The following ATXN1 variants were observed in gnomAD, a reference collection of about 807,000 sequenced individuals.
The protein encoded by ATXN1 is ataxin 1, also known as ataxin-1.
In ATXN1, 8 loss-of-function variants were observed where a neutral mutation model predicts 56.4. The observed-to-expected ratio is 0.14, with a 90% CI of 0.08 to 0.26. The LOEUF (loss-of-function observed/expected upper bound fraction) is 0.26. Among genes scored for constraint, ATXN1 ranks in the 10% least tolerant of loss-of-function variants. The pLI is 1.00. For synonymous variants in ATXN1, 514 were observed against 494.6 expected (o/e 1.04, Z -0.52); for missense variants, 987 against 1,106.5 (o/e 0.89, Z 1.53).
At chr6:16,444,604 T>TA (rs1378178817) in intron 6 of ATXN1, among the ~76,000 whole-genome samples, 2 of 152,146 alleles carry the variant, frequency 1.3e-5, no homozygotes, top group African/African-American at 2.4e-5. Flanking sequence ...AATTGGTAAA[T>TA]AGACAGAATC....
At chr6:16,559,342 G>T (rs1581844015) in intron 4 of ATXN1, among the ~76,000 whole-genome samples, 1 of 148,904 alleles carries the variant, frequency 6.7e-6, no homozygotes, top group African/African-American at 2.5e-5. Context: ...CTGAAGCATT[G>T]TTCATAGTAG....
intron 6 of ATXN1, among the ~76,000 whole-genome samples, chr6:16,457,769 C>A (rs141684515): frequency 6.6e-6 from 1 of 152,196 alleles, no homozygotes; most frequent in East Asian, 1.9e-4. Context: ...AGCCTCCCTA[C>A]AGCTCCCCTT....
chr6:16,716,105 TATG>T (rs1759635890), intron 2 of ATXN1, among the ~76,000 whole-genome samples: 1 of 152,184 alleles, frequency 6.6e-6, no homozygotes, highest in Non-Finnish European at 1.5e-5. Context: ...ATCACAGTCC[TATG>T]ATGATAAGTA....
Position 16,373,728 on chromosome 6 carries a change from C to CG in ATXN1, c.-160-45259_-160-45258insC, listed in dbSNP as rs1312176626. On this transcript the variant is annotated intron_variant, in intron 6 of 7. Transcript: ENST00000436367. ...CCTCTCATTTTCTCTTGCCTGCTGC[C>CG]ATGTAAGACATGCCTTTTGCCTTCC... 6.6e-5 allele frequency among the ~76,000 whole-genome samples: 10 copies of CG among 152,214 alleles called. 1 individual carries two copies. The highest frequency in any genetic ancestry group is 4.4e-5 in the Non-Finnish European group (3 of 68,042).
chr6:16,567,094 G>C (rs1213970348), intron 4 of ATXN1, among the ~76,000 whole-genome samples: 1 of 152,136 alleles, frequency 6.6e-6, no homozygotes, highest in Non-Finnish European at 1.5e-5. Context: ...TTAAATCACA[G>C]CTTTGCAGTT....
At chr6:16,700,962 T>C (rs1162113181) in intron 2 of ATXN1, among the ~76,000 whole-genome samples, 1 of 150,316 alleles carries the variant, frequency 6.7e-6, no homozygotes, top group African/African-American at 2.5e-5. Flanking sequence ...GAATGAACCG[T>C]GAACCAGCAA....
intron 3 of ATXN1, among the ~76,000 whole-genome samples, chr6:16,656,088 C>CAA (rs35745288): frequency 8.0e-6 from 1 of 125,668 alleles, no homozygotes. Context: ...GACTCCATCT[C>CAA]AAAAAAAAAA....
At chr6:16,564,379 C>T (rs1190729584) in intron 4 of ATXN1, among the ~76,000 whole-genome samples, 1 of 151,852 alleles carries the variant, frequency 6.6e-6, no homozygotes, top group Non-Finnish European at 1.5e-5. Flanking sequence ...AGAAATGAAA[C>T]TATGTCTACA....
At chr6:16,593,927 TAGA>T (rs1459515660) in intron 3 of ATXN1, among the ~76,000 whole-genome samples, 1 of 147,974 alleles carries the variant, frequency 6.8e-6, no homozygotes, top group Non-Finnish European at 1.5e-5. Flanking sequence ...TCTGGAGAGA[TAGA>T]AGCTAATACA....
chr6:16,618,403 G>A (rs1278093247), intron 3 of ATXN1, among the ~76,000 whole-genome samples: 3 of 152,160 alleles, frequency 2.0e-5, no homozygotes, highest in African/African-American at 7.2e-5. Context: ...AGTTCTGCAC[G>A]TGTATCCCAG....
At chr6:16,346,390 T>C (rs1310117348) in intron 6 of ATXN1, among the ~76,000 whole-genome samples, 2 of 152,178 alleles carry the variant, frequency 1.3e-5, no homozygotes, top group Non-Finnish European at 2.9e-5. Context: ...TTTTTAAATT[T>C]AGGGGCTGGG....
Position 16,661,374 on chromosome 6 carries a change from G to A in ATXN1, c.-614-3473C>T, listed in dbSNP as rs538518327. Among the ~76,000 whole-genome samples, 61 of 152,044 alleles carry A rather than the reference G, an allele frequency of 4.0e-4. 1 individual carries two copies. Among genetic ancestry groups the A allele is most frequent in the South Asian group, 1.0e-3 (5 of 4,818 alleles). On this transcript the variant is annotated intron_variant, in intron 2 of 7. Transcript: ENST00000436367. Reference sequence around the variant, plus strand: ...CCTTGTAGGCCATTGTAAAGATACCGACTTTTAAGTAAAATGGGAAGACCA... The same window carrying A: ...CCTTGTAGGCCATTGTAAAGATACCAACTTTTAAGTAAAATGGGAAGACCA...
chr6:16,427,087 A>G (rs1008131645), intron 6 of ATXN1, among the ~76,000 whole-genome samples: 3 of 152,180 alleles, frequency 2.0e-5, no homozygotes, highest in Admixed American at 1.3e-4. Flanking sequence ...AGATCCAGAC[A>G]TGGAACTCTC....
intron 5 of ATXN1, among the ~76,000 whole-genome samples, chr6:16,517,726 G>A (rs55860911): frequency 0.016 from 2,435 of 152,250 alleles, 25 homozygotes; most frequent in East Asian, 0.045. Flanking sequence ...GTATGTAGGT[G>A]CACACACATG....
chr6:16,337,961 CACT>C (rs1178288427), intron 6 of ATXN1, among the ~76,000 whole-genome samples: 1 of 152,190 alleles, frequency 6.6e-6, no homozygotes, highest in East Asian at 1.9e-4. Context: ...TTCTTACCAC[CACT>C]GTGATAGATC....
chr6:16,388,616 C>T (rs1758287836), intron 6 of ATXN1, among the ~76,000 whole-genome samples: 1 of 152,202 alleles, frequency 6.6e-6, no homozygotes. Context: ...TTTCTATCAG[C>T]ATTTTATGGA....
At chr6:16,449,106 T>C (rs1759692991) in intron 6 of ATXN1, among the ~76,000 whole-genome samples, 1 of 151,936 alleles carries the variant, frequency 6.6e-6, no homozygotes. Flanking sequence ...TGACATCCTG[T>C]TTCTCAGGTA....
intron 2 of ATXN1, among the ~76,000 whole-genome samples, chr6:16,687,512 A>AG (rs1446155061): frequency 6.7e-6 from 1 of 148,674 alleles, no homozygotes; most frequent in Non-Finnish European, 1.5e-5. Context: ...TGTCCGCAAG[A>AG]GGGAAAAAAA....
chr6:16,316,890 TTTA>T (rs1357799877), intron 7 of ATXN1, among the ~76,000 whole-genome samples: 1 of 123,576 alleles, frequency 8.1e-6, no homozygotes, highest in East Asian at 2.1e-4. Flanking sequence ...TTTTTTTTTT[TTTA>T]ACCAGCCAGA....
Sources: gnomAD v4.1 joint callset for allele counts (sites outside exome capture counted in the v4.1 genomes callset) on GRCh38, gnomAD v4.1.1 for gene constraint, MANE v1.5 for transcripts, NCBI Gene and HGNC (gene_info 2026-07-23, HGNC 2026-07-21) for gene names.